KMT2A: variants seen among roughly 807,000 people sequenced by gnomAD.
KMT2A encodes lysine methyltransferase 2A.
KMT2A carries 16 observed loss-of-function variants against 345.3 expected under a neutral mutation model. The ratio of observed to expected loss-of-function variants is 0.05; its 90% CI spans 0.03 to 0.07. The LOEUF (loss-of-function observed/expected upper bound fraction) is 0.07, where lower values mean the gene tolerates loss of function less well. KMT2A is among the 10% of genes least tolerant of loss of function. The pLI is 1.00. For synonymous variants in KMT2A, 1,599 were observed against 1,778.6 expected (o/e 0.90, Z 2.54); for missense variants, 3,272 against 4,841.6 (o/e 0.68, Z 9.62).
intron 5 of KMT2A, among the ~76,000 whole-genome samples, chr11:118,478,895 T>G (rs1950084201): frequency 6.6e-6 from 1 of 152,178 alleles, no homozygotes; most frequent in African/African-American, 2.4e-5. Flanking sequence ...GTACTGGGAT[T>G]ACAAACATGA....
At position 118,471,874 on chromosome 11, in the gene KMT2A, A is replaced by C. The variant is rs782802602; in HGVS notation, c.715A>C (p.Lys239Gln). Residue 239 changes from lysine (K) to glutamine (Q), a missense_variant, in exon 3 of 36, where the codon AAG becomes CAG. By Grantham distance (53) the Lys-to-Gln change is moderately conservative. Coordinates refer to ENST00000534358, the MANE Select transcript of KMT2A (RefSeq NM_001197104.2). ...AGTAAAAATCAAAATAACACATGGA[A>C]AGGACATTTCAGAGTTACCAAAGGG... The part of the protein sequence containing the change: ...PGVKIKITHG[K>Q]DISELPKGNK... 6.2e-7 allele frequency: 1 copy of C among 1,613,166 alleles called. No individual in the cohort carries two copies. The highest frequency in any genetic ancestry group is 1.1e-5 in the South Asian group (1 of 90,946).
rs1555043608 is a variant in KMT2A at position 118,495,161 on chromosome 11, TTTA to T, written c.5363+397_5363+399del. Among the ~76,000 whole-genome samples the T allele has an allele frequency of 6.0e-5, 9 of 149,880 alleles. No individual in the cohort carries two copies. Among genetic ancestry groups the T allele is most frequent in the Non-Finnish European group, 1.2e-4 (8 of 67,194 alleles). On this transcript the variant is annotated intron_variant, in intron 18 of 35. Coordinates refer to ENST00000534358, the MANE Select transcript of KMT2A (RefSeq NM_001197104.2). The surrounding 1 kb of genome is among the most constrained non-coding windows in gnomAD (Gnocchi z 4.1). ...CTTTTGATTTGATTTTATTTATTTA[TTTA>T]TTTTTTTTTTTTTGAGACGGAGTCT...
intron 1 of KMT2A, 150 bp from the exon 2 acceptor site, chr11:118,468,625 G>A: frequency 1.6e-6 from 1 of 626,488 alleles, no homozygotes; most frequent in Non-Finnish European, 2.9e-6. Context: ...TTCAATATTA[G>A]TTATTTTATA....
At chr11:118,446,348 CAAAA>C (rs1184908365) in intron 1 of KMT2A, among the ~76,000 whole-genome samples, 3 of 151,990 alleles carry the variant, frequency 2.0e-5, no homozygotes, top group Non-Finnish European at 4.4e-5. Flanking sequence ...GACTGTGTCT[CAAAA>C]GAAAGAAAAG....
At chr11:118,513,966 A>G (rs1250412216) in intron 31 of KMT2A, among the ~76,000 whole-genome samples, 4 of 151,102 alleles carry the variant, frequency 2.6e-5, no homozygotes, top group African/African-American at 9.7e-5. Flanking sequence ...AAAGAAAAAG[A>G]AAAAAAAGTC....
intron 1 of KMT2A, among the ~76,000 whole-genome samples, chr11:118,454,617 C>G (rs890449859): frequency 2.6e-5 from 4 of 152,206 alleles, no homozygotes; most frequent in Non-Finnish European, 5.9e-5. Context: ...CTGAAAAACC[C>G]ATACATCAAA....
At chr11:118,445,152 G>A (rs1156344319) in intron 1 of KMT2A, among the ~76,000 whole-genome samples, 1 of 152,058 alleles carries the variant, frequency 6.6e-6, no homozygotes, top group East Asian at 1.9e-4. Context: ...TATAATCTTA[G>A]AATGTTCTTG....
chr11:118,443,336 T>A (rs1204941500), intron 1 of KMT2A, among the ~76,000 whole-genome samples: 1 of 152,190 alleles, frequency 6.6e-6, no homozygotes, highest in Non-Finnish European at 1.5e-5. Context: ...TTTAAAATGA[T>A]GAGCCGCTTT....
Position 118,502,649 on chromosome 11 carries a change from C to G in KMT2A, c.6757C>G (p.Leu2253Val). The part of the protein sequence containing the change: ...AKVVDHVLGP[L>V]NSSTSLGQNT... ...AGTAGTTGATCATGTCTTAGGGCCA[C>G]TGAATTCAAGTACTAGTTTAGGGCA... Residue 2253 changes from leucine to valine, a missense_variant, in exon 27 of 36, where the codon CTG (leucine) becomes GTG (valine). Leu to Val is a conservative substitution (Grantham distance 32). This residue lies in a region of KMT2A where 445 missense variants were observed against 500.9 expected (regional missense o/e 0.89). Coordinates refer to ENST00000534358, the MANE Select transcript of KMT2A (RefSeq NM_001197104.2). This position sits in a 1 kb window ranked among gnomAD's most constrained non-coding sequence, Gnocchi z 4.9. 1 of 1,614,166 alleles carries G rather than the reference C, an allele frequency of 6.2e-7. No homozygotes were observed. The highest frequency in any genetic ancestry group is 1.1e-5 in the South Asian group (1 of 91,082).
chr11:118,446,421 C>A (rs1372761525), intron 1 of KMT2A, among the ~76,000 whole-genome samples: 1 of 152,170 alleles, frequency 6.6e-6, no homozygotes, highest in African/African-American at 2.4e-5. Flanking sequence ...CATCAATACA[C>A]CTCAGAAACT....
chr11:118,521,789 G>A lies in KMT2A; in HGVS notation c.11644-108G>A. 8.3e-7 allele frequency: 1 copy of A among 1,202,916 alleles called. No individual in the cohort carries two copies. Among genetic ancestry groups the A allele is most frequent in the Non-Finnish European group, 1.2e-6 (1 of 865,828 alleles). The allele number at this position is 1,202,916 out of a possible 1,614,324, so 74.5% of individuals were successfully genotyped here. A position where few individuals can be genotyped will look rare whatever the true frequency, so the allele number is the denominator to read the frequency against. The stretch of plus-strand genomic sequence containing the variant: ...GAGAAATCTGGAAATTTTACTAGAA[G>A]AAACTTTCTCAGCCGCTATAGGTAA... On this transcript the variant is annotated intron_variant, in intron 35 of 35. Coordinates refer to ENST00000534358, the MANE Select transcript of KMT2A (RefSeq NM_001197104.2). The surrounding 1 kb of genome is among the most constrained non-coding windows in gnomAD (Gnocchi z 5.3).
chr11:118,446,000 T>A lies in KMT2A; in HGVS notation c.432+9056T>A, dbSNP rs1250923760. Among the ~76,000 whole-genome samples, 5 of 151,700 alleles carry A rather than the reference T, an allele frequency of 3.3e-5. No homozygotes were observed. In the East Asian group the frequency reaches 9.7e-4, roughly 29 times the overall value. On this transcript the variant is annotated intron_variant, in intron 1 of 35. Transcript: ENST00000534358. ...GCCTGGGCGAAAGAGCAAGACTCTG[T>A]CTCCAAAAAAAAGAAAGAAAAAAAG... is the stretch of plus-strand genomic sequence containing the variant.
rs1338659563 is a variant in KMT2A, at chr11:118,473,724, C to T, written c.2565C>T (p.Pro855=). The change falls in exon 3 of 36, where the codon CCC becomes CCT. Residue 855 remains proline (P), a synonymous_variant. Transcript: ENST00000534358. This position sits in a 1 kb window ranked among gnomAD's most constrained non-coding sequence, Gnocchi z 5.2. The stretch of plus-strand genomic sequence containing the variant: ...GAGGGAGAAATAAAGACAAGGCCCC[C>T]GAGGAGCTGTCCAAAGATCGAGATG... ...TERGRNKDKA[P]EELSKDRDAD... The T allele has an allele frequency of 7.4e-6, 12 of 1,613,802 alleles. No homozygotes were observed. The highest frequency in any genetic ancestry group is 2.2e-5 in the East Asian group (1 of 44,892).
intron 22 of KMT2A, 33 bp from the exon 23 acceptor site, chr11:118,499,270 G>A: frequency 7.7e-7 from 1 of 1,304,786 alleles, no homozygotes; most frequent in South Asian, 1.2e-5. Flanking sequence ...CAAAGGGACA[G>A]CCTATTAACA....
At chr11:118,451,037 C>T (rs1949524826) in intron 1 of KMT2A, among the ~76,000 whole-genome samples, 1 of 152,188 alleles carries the variant, frequency 6.6e-6, no homozygotes, top group South Asian at 2.1e-4. Context: ...CAAAGAGGCT[C>T]ATCTTCCTAA....
At chr11:118,464,980 A>G (rs562338891) in intron 1 of KMT2A, among the ~76,000 whole-genome samples, 1 of 152,226 alleles carries the variant, frequency 6.6e-6, no homozygotes, top group African/African-American at 2.4e-5. Flanking sequence ...CTGCTCCATC[A>G]TGGCAATGTC....
chr11:118,495,889 T>G lies in KMT2A; in HGVS notation c.5553T>G (p.Ile1851Met). 1 of 1,600,988 alleles carries G rather than the reference T, an allele frequency of 6.2e-7. No individual in the cohort carries two copies. The highest frequency in any genetic ancestry group is 8.5e-7 in the Non-Finnish European group (1 of 1,173,024). ...CTCTGCATCCTCCTACACCACCAATTTTGAGTAAGCCACCAAAAGGAGAGT... is the reference window on the plus strand; with the variant it reads ...CTCTGCATCCTCCTACACCACCAATGTTGAGTAAGCCACCAAAAGGAGAGT... ...PTPLHPPTPP[I>M]LSTDRSREDS... Residue 1851 changes from isoleucine (I) to methionine (M), a missense_variant, in exon 19 of 36, where the codon ATT becomes ATG. Transcript: ENST00000534358. This position sits in a 1 kb window ranked among gnomAD's most constrained non-coding sequence, Gnocchi z 4.1.
intron 1 of KMT2A, among the ~76,000 whole-genome samples, chr11:118,442,464 T>C (rs555154152): frequency 6.6e-6 from 1 of 152,320 alleles, no homozygotes; most frequent in South Asian, 2.1e-4. Context: ...CCTTGGATCT[T>C]ATCTAGACTG....
At chr11:118,453,360 C>G (rs1949579135) in intron 1 of KMT2A, among the ~76,000 whole-genome samples, 1 of 152,124 alleles carries the variant, frequency 6.6e-6, no homozygotes, top group East Asian at 1.9e-4. Context: ...CTTGTTAAAC[C>G]CTTTGGCAGC....
Sources: gnomAD v4.1 joint callset for allele counts (sites outside exome capture counted in the v4.1 genomes callset) on GRCh38, gnomAD v4.1.1 for gene constraint, gnomAD v4.1.1 regional missense constraint, Gnocchi (gnomAD v3.1) non-coding constraint, MANE v1.5 for transcripts, NCBI Gene and HGNC (gene_info 2026-07-23, HGNC 2026-07-21) for gene names.